The following PRKG1 variants were observed in gnomAD, a reference collection of about 807,000 sequenced individuals.
PRKG1 encodes protein kinase cGMP-dependent 1, also known as cGMP-dependent protein kinase 1.
PRKG1 carries 35 observed loss-of-function variants against 88.1 expected under a neutral mutation model. The ratio of observed to expected loss-of-function variants is 0.40; its 90% CI spans 0.30 to 0.53. The LOEUF (loss-of-function observed/expected upper bound fraction) is 0.53. PRKG1 is among the 20% of genes least tolerant of loss of function. The pLI is 0.59. For synonymous variants in PRKG1, 303 were observed against 292.5 expected (o/e 1.04, Z -0.37); for missense variants, 540 against 839.8 (o/e 0.64, Z 4.41).
At chr10:51,336,301 C>T (rs1032368009) in intron 2 of PRKG1, among the ~76,000 whole-genome samples, 5 of 152,116 alleles carry the variant, frequency 3.3e-5, no homozygotes, top group African/African-American at 4.8e-5. Flanking sequence ...TGCAGTGAGT[C>T]GACATCATGC....
chr10:51,688,425 T>A (rs1414228845), intron 3 of PRKG1, among the ~76,000 whole-genome samples: 1 of 152,154 alleles, frequency 6.6e-6, no homozygotes, highest in Non-Finnish European at 1.5e-5. Flanking sequence ...CGTAATCCCG[T>A]GGAGGTTAAA....
intron 2 of PRKG1, among the ~76,000 whole-genome samples, chr10:51,463,502 A>G (rs537538376): frequency 1.4e-3 from 218 of 152,358 alleles, no homozygotes; most frequent in African/African-American, 5.1e-3. Context: ...GAAGAAAAAA[A>G]GACACAACTC....
At chr10:51,279,241 C>T (rs940425561) in intron 2 of PRKG1, among the ~76,000 whole-genome samples, 6 of 152,170 alleles carry the variant, frequency 3.9e-5, no homozygotes, top group African/African-American at 1.4e-4. Flanking sequence ...GCAGGTTGTT[C>T]AGTTTCCATG....
chr10:51,463,917 A>G (rs1839810144), intron 2 of PRKG1, among the ~76,000 whole-genome samples: 1 of 152,194 alleles, frequency 6.6e-6, no homozygotes, highest in Admixed American at 6.5e-5. Flanking sequence ...GACTCCAGGT[A>G]ACAAAGTACA....
At chr10:52,037,537 G>A (rs1232371626) in intron 5 of PRKG1, among the ~76,000 whole-genome samples, 1 of 152,200 alleles carries the variant, frequency 6.6e-6, no homozygotes, top group Non-Finnish European at 1.5e-5. Flanking sequence ...CAGGGTTGCT[G>A]CCAAACAAGT....
chr10:51,953,155 G>A (rs967472595), intron 5 of PRKG1, among the ~76,000 whole-genome samples: 8 of 152,178 alleles, frequency 5.3e-5, no homozygotes, highest in Admixed American at 3.3e-4. Flanking sequence ...AGAAATGATG[G>A]CTGCAGAAAA....
At chr10:51,683,084 T>A (rs1484746126) in intron 3 of PRKG1, among the ~76,000 whole-genome samples, 1 of 152,212 alleles carries the variant, frequency 6.6e-6, no homozygotes, top group South Asian at 2.1e-4. Context: ...ATTTTATTTA[T>A]AGTAAATAGA....
chr10:52,064,247 G>C (rs73342904), intron 7 of PRKG1, among the ~76,000 whole-genome samples: 3 of 152,044 alleles, frequency 2.0e-5, no homozygotes, highest in African/African-American at 7.2e-5. Flanking sequence ...AAGCCCAGAG[G>C]GGGGTGAGTT....
chr10:51,095,604 G>A (rs1382728721), intron 1 of PRKG1, among the ~76,000 whole-genome samples: 1 of 152,074 alleles, frequency 6.6e-6, no homozygotes, highest in Non-Finnish European at 1.5e-5. Flanking sequence ...CTATTTCAAG[G>A]GAATTCTTTG....
intron 5 of PRKG1, among the ~76,000 whole-genome samples, chr10:51,955,115 G>T (rs1843273172): frequency 1.3e-5 from 2 of 151,846 alleles, no homozygotes; most frequent in African/African-American, 4.8e-5. Flanking sequence ...TCTTTCTTTG[G>T]CCTATGGGAT....
intron 2 of PRKG1, among the ~76,000 whole-genome samples, chr10:51,430,003 C>T (rs1012574805): frequency 6.6e-6 from 1 of 151,758 alleles, no homozygotes; most frequent in South Asian, 2.1e-4. Context: ...GAATTTTAAT[C>T]TACACATTCA....
At chr10:52,247,316 A>G (rs2132392519) in intron 9 of PRKG1, among the ~76,000 whole-genome samples, 1 of 152,286 alleles carries the variant, frequency 6.6e-6, no homozygotes, top group East Asian at 1.9e-4. Context: ...CTAGCATTTG[A>G]CAACTGTCCT....
At chr10:51,850,503 A>G (rs1840523468) in intron 4 of PRKG1, among the ~76,000 whole-genome samples, 1 of 150,830 alleles carries the variant, frequency 6.6e-6, no homozygotes, top group Non-Finnish European at 1.5e-5. Flanking sequence ...ATATATATAT[A>G]TGTATATGTA....
At chr10:51,318,852 G>A (rs773425326) in intron 2 of PRKG1, among the ~76,000 whole-genome samples, 1 of 152,148 alleles carries the variant, frequency 6.6e-6, no homozygotes, top group Non-Finnish European at 1.5e-5. Context: ...TAGAATCTGA[G>A]CTTAAATTTC....
At chr10:51,633,233 C>A (rs1284344259) in intron 3 of PRKG1, among the ~76,000 whole-genome samples, 3 of 152,000 alleles carry the variant, frequency 2.0e-5, no homozygotes, top group Non-Finnish European at 4.4e-5. Flanking sequence ...TAATAATTCT[C>A]TTGGAATTCT....
chr10:51,571,009 C>T (rs934591388), intron 3 of PRKG1, among the ~76,000 whole-genome samples: 1 of 151,908 alleles, frequency 6.6e-6, no homozygotes, highest in Non-Finnish European at 1.5e-5. Context: ...CTAACTTCTT[C>T]CTTACACAAG....
chr10:51,174,732 A>G (rs986776565), intron 2 of PRKG1, among the ~76,000 whole-genome samples: 3 of 152,014 alleles, frequency 2.0e-5, no homozygotes, highest in Admixed American at 2.0e-4. Context: ...GTGAATTTGC[A>G]TATCACACTT....
At chr10:51,148,255 T>G in intron 1 of PRKG1, 1 of 985,304 alleles carries the variant, frequency 1.0e-6, no homozygotes, top group Non-Finnish European at 1.2e-6. Flanking sequence ...GACAATACTG[T>G]AGGCCAAGGT....
intron 9 of PRKG1, among the ~76,000 whole-genome samples, chr10:52,171,720 T>TA (rs66768341): frequency 1.8e-4 from 26 of 148,208 alleles, no homozygotes; most frequent in South Asian, 1.7e-3. Context: ...GTTGCTTTTT[T>TA]AAAAAAAAAT....
Sources: gnomAD v4.1 joint callset for allele counts (sites outside exome capture counted in the v4.1 genomes callset) on GRCh38, gnomAD v4.1.1 for gene constraint, MANE v1.5 for transcripts, NCBI Gene and HGNC (gene_info 2026-07-23, HGNC 2026-07-21) for gene names.